Variants in CNTN3 observed in about 807,000 individuals in gnomAD.
The protein encoded by CNTN3 is contactin 3, also known as contactin-3.
Under a neutral mutation model 119.1 loss-of-function variants are expected in CNTN3, and 60 were observed. The observed-to-expected ratio is 0.50, with a 90% CI of 0.41 to 0.62. CNTN3 has a LOEUF of 0.62. Ranked by LOEUF, CNTN3 falls within the 20% of genes least tolerant of loss-of-function variation. CNTN3 has a pLI of 0.00. For missense variants in CNTN3, 1,101 were observed against 1,242.4 expected, an observed-to-expected ratio of 0.89 and a Z score of 1.71; for synonymous variants, 450 against 438.7, an observed-to-expected ratio of 1.03 and a Z score of -0.32.
At chr3:74,560,472 A>G (rs1704136484) in intron 1 of CNTN3, among the ~76,000 whole-genome samples, 1 of 152,218 alleles carries the variant, frequency 6.6e-6, no homozygotes, top group African/African-American at 2.4e-5. Context: ...AAGGATACAT[A>G]TATACAAACA....
intron 20 of CNTN3, among the ~76,000 whole-genome samples, chr3:74,270,610 T>C (rs1701754313): frequency 6.6e-6 from 1 of 152,204 alleles, no homozygotes; most frequent in Non-Finnish European, 1.5e-5. Flanking sequence ...CAATGAACTT[T>C]TGTAAAAGTA....
In CNTN3 at chr3:74,441,151, G is replaced by A. The variant is rs540515226; in HGVS notation, c.359-16211C>T. On this transcript the variant is annotated intron_variant, in intron 4 of 22. Coordinates refer to ENST00000263665, the MANE Select transcript of CNTN3 (RefSeq NM_020872.3). The stretch of plus-strand genomic sequence containing the variant: ...ATATGTTTTAATGTGACTCTTGATA[G>A]TTTTCATGACATAGGCCTTTAAAAA... 7.9e-5 allele frequency among the ~76,000 whole-genome samples: 12 copies of A among 152,188 alleles called. No homozygotes were observed. The South Asian group carries it at 8.3e-4, about 11-fold the overall frequency.
At chr3:74,394,644 T>C (rs944598705) in intron 5 of CNTN3, among the ~76,000 whole-genome samples, 2 of 152,220 alleles carry the variant, frequency 1.3e-5, no homozygotes, top group African/African-American at 2.4e-5. Flanking sequence ...ATTTTTCAAA[T>C]GTTGAAATGA....
At chr3:74,592,749 G>T (rs1259542127) in intron 1 of CNTN3, among the ~76,000 whole-genome samples, 1 of 151,946 alleles carries the variant, frequency 6.6e-6, no homozygotes, top group Non-Finnish European at 1.5e-5. Context: ...AACCTCTCTT[G>T]TTCTTAATAA....
intron 1 of CNTN3, among the ~76,000 whole-genome samples, chr3:74,536,014 T>C (rs149624064): frequency 0.019 from 2,909 of 152,202 alleles, 47 homozygotes; most frequent in Non-Finnish European, 0.029. Context: ...TATTCAGGAA[T>C]AAAATTTTTT....
intron 20 of CNTN3, among the ~76,000 whole-genome samples, chr3:74,283,748 T>C (rs1262016063): frequency 3.3e-5 from 5 of 152,180 alleles, no homozygotes; most frequent in Admixed American, 2.6e-4. Flanking sequence ...ATTTAGACCA[T>C]ATTGATTCAG....
At chr3:74,319,343 G>A (rs1702922319) in intron 13 of CNTN3, among the ~76,000 whole-genome samples, 1 of 152,144 alleles carries the variant, frequency 6.6e-6, no homozygotes, top group Non-Finnish European at 1.5e-5. Flanking sequence ...ATAGAACAGA[G>A]CCCTCAGAAA....
At chr3:74,599,591 C>T (rs1339928668) in intron 1 of CNTN3, among the ~76,000 whole-genome samples, 1 of 152,080 alleles carries the variant, frequency 6.6e-6, no homozygotes, top group East Asian at 1.9e-4. Flanking sequence ...GTTTGCACTC[C>T]TATGAGGATC....
intron 4 of CNTN3, among the ~76,000 whole-genome samples, chr3:74,464,359 T>TCTG (rs1191596856): frequency 6.6e-6 from 1 of 152,202 alleles, no homozygotes; most frequent in East Asian, 1.9e-4. Flanking sequence ...TAAACTTGGT[T>TCTG]ATAGAACCCA....
chr3:74,478,529 C>T (rs1702702415), intron 4 of CNTN3, among the ~76,000 whole-genome samples: 1 of 152,112 alleles, frequency 6.6e-6, no homozygotes, highest in Non-Finnish European at 1.5e-5. Context: ...TCCCAGGAGC[C>T]AGTGGAGGTT....
At chr3:74,576,194 T>C (rs1186263914) in intron 1 of CNTN3, among the ~76,000 whole-genome samples, 4 of 152,190 alleles carry the variant, frequency 2.6e-5, no homozygotes. Flanking sequence ...TTGCAAACTT[T>C]TCCTGGGAGG....
At chr3:74,334,601 T>G (rs571921525) in intron 13 of CNTN3, 134 bp downstream of exon 13, 1 of 710,234 alleles carries the variant, frequency 1.4e-6, no homozygotes, top group Non-Finnish European at 2.3e-6. Flanking sequence ...AAAACAGAAC[T>G]GAGAACCACT....
intron 13 of CNTN3, among the ~76,000 whole-genome samples, chr3:74,320,941 G>A (rs1353605432): frequency 6.7e-6 from 1 of 150,176 alleles, no homozygotes; most frequent in Non-Finnish European, 1.5e-5. Flanking sequence ...ATAAATATAT[G>A]TTGAATTGAA....
intron 13 of CNTN3, among the ~76,000 whole-genome samples, chr3:74,328,865 C>T (rs1030840578): frequency 6.6e-6 from 1 of 152,160 alleles, no homozygotes; most frequent in South Asian, 2.1e-4. Flanking sequence ...GTCTGTTCCC[C>T]ACTTTTGTGA....
intron 5 of CNTN3, among the ~76,000 whole-genome samples, chr3:74,377,567 T>C (rs1297033919): frequency 1.3e-5 from 2 of 152,212 alleles, no homozygotes; most frequent in East Asian, 3.9e-4. Flanking sequence ...TCAAACAAGC[T>C]AGTCTTTACA....
Position 74,400,589 on chromosome 3 carries a change from G to A in CNTN3, c.454+24256C>T, listed in dbSNP as rs1224882848. 9.2e-5 allele frequency among the ~76,000 whole-genome samples: 14 copies of A among 152,296 alleles called. No individual in the cohort carries two copies. The South Asian group carries it at 2.1e-3, about 23-fold the overall frequency. On this transcript the variant is annotated intron_variant, in intron 5 of 22. Coordinates refer to ENST00000263665, the MANE Select transcript of CNTN3 (RefSeq NM_020872.3). ...TCATTGGGCCATCTTAGGTTTAAGA[G>A]TGTAATTGTGATCAACAATTCTCTG...
chr3:74,512,224 T>C (rs1703378581), intron 2 of CNTN3, among the ~76,000 whole-genome samples: 1 of 152,198 alleles, frequency 6.6e-6, no homozygotes, highest in Admixed American at 6.5e-5. Context: ...AGCAGTCTAC[T>C]ATGGGATTTT....
At chr3:74,376,204 C>G (rs1704471314) in intron 5 of CNTN3, among the ~76,000 whole-genome samples, 1 of 152,292 alleles carries the variant, frequency 6.6e-6, no homozygotes, top group Admixed American at 6.5e-5. Flanking sequence ...ATCCACAGAA[C>G]TGTAAGGGAA....
At chr3:74,411,277 GC>G (rs1208812522) in intron 5 of CNTN3, among the ~76,000 whole-genome samples, 1 of 152,022 alleles carries the variant, frequency 6.6e-6, no homozygotes, top group Non-Finnish European at 1.5e-5. Flanking sequence ...ACACAAAGCT[GC>G]CCCCTTGAGT....
Sources: gnomAD v4.1 joint callset for allele counts (sites outside exome capture counted in the v4.1 genomes callset) on GRCh38, gnomAD v4.1.1 for gene constraint, MANE v1.5 for transcripts, NCBI Gene and HGNC (gene_info 2026-07-23, HGNC 2026-07-21) for gene names.